The following ZFHX4 variants were observed in gnomAD, a reference collection of about 807,000 sequenced individuals.
ZFHX4 encodes the protein zinc finger homeobox 4.
A neutral mutation model predicts 267.6 loss-of-function variants in ZFHX4; 56 were observed. That is an observed-to-expected ratio of 0.21 (90% confidence interval 0.17 to 0.26). The LOEUF (loss-of-function observed/expected upper bound fraction) is 0.26, where lower values mean the gene tolerates loss of function less well. ZFHX4 is among the 10% of genes least tolerant of loss of function. The pLI, the probability that ZFHX4 is intolerant of heterozygous loss-of-function variation, is 1.00. For synonymous variants in ZFHX4, 1,778 were observed against 1,665.6 expected, an observed-to-expected ratio of 1.07 and a Z score of -1.64; for missense variants, 4,332 against 4,420.0, an observed-to-expected ratio of 0.98 and a Z score of 0.56.
intron 4 of ZFHX4, among the ~76,000 whole-genome samples, chr8:76,800,393 G>A (rs1230710574): frequency 6.6e-6 from 1 of 152,160 alleles, no homozygotes; most frequent in Admixed American, 6.5e-5. Flanking sequence ...TAATGCACCA[G>A]TCAGGATTTA....
chr8:76,821,471 G>T (rs1811646812), intron 4 of ZFHX4, among the ~76,000 whole-genome samples: 1 of 151,550 alleles, frequency 6.6e-6, no homozygotes, highest in Non-Finnish European at 1.5e-5. Flanking sequence ...TTCCTAGTCG[G>T]CCTAACTACG....
At chr8:76,837,705 T>C (rs572349306) in intron 5 of ZFHX4, among the ~76,000 whole-genome samples, 1 of 152,280 alleles carries the variant, frequency 6.6e-6, no homozygotes, top group East Asian at 1.9e-4. Context: ...GGCACAAAGA[T>C]GGATAAGATA....
intron 4 of ZFHX4, among the ~76,000 whole-genome samples, chr8:76,813,284 T>C (rs1203261074): frequency 2.0e-5 from 3 of 152,146 alleles, no homozygotes; most frequent in Non-Finnish European, 2.9e-5. Context: ...GGCACCTTTT[T>C]CCCCGGTACA....
At chr8:76,689,697 G>A (rs1047756416) in intron 1 of ZFHX4, among the ~76,000 whole-genome samples, 1 of 152,050 alleles carries the variant, frequency 6.6e-6, no homozygotes, top group Non-Finnish European at 1.5e-5. Context: ...AGTTTGATAT[G>A]GTTTCATATT....
chr8:76,850,967 A>G lies in ZFHX4; in HGVS notation c.4046A>G (p.Lys1349Arg). The change falls in exon 10 of 11, where the codon AAA (lysine) becomes AGA (arginine). Residue 1349 changes from lysine (K) to arginine (R), a missense_variant. Lys to Arg is a conservative substitution (Grantham distance 26). This residue lies in a region of ZFHX4 where 1,371 missense variants were observed against 1,423.1 expected (regional missense o/e 0.96). Transcript: ENST00000651372. ...GTGGAAGTAAAGAATGAGGAGCAGA[A>G]ACCGACTAAAGAACCCTTGGAAGTC... ...ANVEVKNEEQ[K>R]PTKEPLEVSE... 2 of 1,613,822 alleles carry G rather than the reference A, an allele frequency of 1.2e-6. No individual in the cohort carries two copies. The highest frequency in any genetic ancestry group is 2.2e-5 in the South Asian group (2 of 91,050).
chr8:76,820,332 A>G (rs1420375841), intron 4 of ZFHX4, among the ~76,000 whole-genome samples: 1 of 152,118 alleles, frequency 6.6e-6, no homozygotes, highest in Non-Finnish European at 1.5e-5. Context: ...TTATGAATTA[A>G]TTGTTCATAC....
In ZFHX4 at chr8:76,852,119, A is replaced by C. The variant is rs374845535; in HGVS notation, c.5198A>C (p.Gln1733Pro). 1.9e-6 allele frequency: 3 copies of C among 1,613,866 alleles called. No homozygotes were observed. In the African/African-American group the frequency reaches 4.0e-5, roughly 22 times the overall value. ...ACCCCAGAAGCACTGCTGCAGTTTC[A>C]GCAGCCTCAGTTTCTCTTTCCATTT... ...PMTPEALLQF[Q>P]QPQFLFPFYI... The change falls in exon 10 of 11, where the codon CAG becomes CCG. Residue 1733 changes from glutamine to proline, a missense_variant. Coordinates refer to ENST00000651372, the MANE Select transcript of ZFHX4 (RefSeq NM_024721.5).
chr8:76,791,538 G>C (rs1232960702), intron 4 of ZFHX4, among the ~76,000 whole-genome samples: 3 of 152,056 alleles, frequency 2.0e-5, no homozygotes, highest in Admixed American at 2.0e-4. Context: ...TATGCCTGGA[G>C]CTATTTTTAC....
intron 3 of ZFHX4, among the ~76,000 whole-genome samples, chr8:76,713,215 T>G (rs1419439921): frequency 6.6e-6 from 1 of 152,124 alleles, no homozygotes; most frequent in Admixed American, 6.6e-5. Flanking sequence ...GAGAACCCTC[T>G]TTGTACCATA....
chr8:76,748,515 G>A (rs1809522035), intron 3 of ZFHX4, among the ~76,000 whole-genome samples: 1 of 152,150 alleles, frequency 6.6e-6, no homozygotes, highest in African/African-American at 2.4e-5. Context: ...ACTGACTGTA[G>A]CCTCCAAGTC....
chr8:76,760,562 G>T (rs1357504612), intron 3 of ZFHX4, among the ~76,000 whole-genome samples: 1 of 152,050 alleles, frequency 6.6e-6, no homozygotes, highest in Non-Finnish European at 1.5e-5. Flanking sequence ...GGTGTGTAAT[G>T]GAAGAGTTTA....
rs761578656 is a variant in ZFHX4 at position 76,705,311 on chromosome 8, T to TG, written c.1230dup (p.Leu411AlafsTer3). 4 of 1,613,842 alleles carry TG rather than the reference T, an allele frequency of 2.5e-6. No homozygotes were observed. The highest frequency in any genetic ancestry group is 1.7e-5 in the Admixed American group (1 of 60,028). On this transcript the variant is annotated frameshift_variant, in exon 2 of 11. Coordinates refer to ENST00000651372, the MANE Select transcript of ZFHX4 (RefSeq NM_024721.5). LOFTEE classifies it high-confidence loss of function. The stretch of plus-strand genomic sequence containing the variant: ...CAAATGCCAAAGGCTGAAGTGAATC[T>TG]GGGGGGGCTGTCTAGTTTAGTAGTG...
At chr8:76,716,396 C>A (rs998811795) in intron 3 of ZFHX4, among the ~76,000 whole-genome samples, 4 of 152,158 alleles carry the variant, frequency 2.6e-5, no homozygotes, top group African/African-American at 9.7e-5. Context: ...CATTACTTCA[C>A]ATACTTTTCC....
rs546521355 is a variant in ZFHX4, at chr8:76,789,732, C to T, written c.3325+11293C>T. On this transcript the variant is annotated intron_variant, in intron 4 of 10. Transcript: ENST00000651372. ...TAGGGTTTTAAAAGTTTAATTTCTA[C>T]GCTATTAATGGAATTGAAAATAGTG... 2.8e-4 allele frequency among the ~76,000 whole-genome samples: 43 copies of T among 152,066 alleles called. No individual in the cohort carries two copies. In the South Asian group the frequency reaches 4.1e-3, roughly 15 times the overall value.
Position 76,681,305 on chromosome 8 carries a change from T to C in ZFHX4, c.-362T>C. On this transcript the variant is annotated 5_prime_UTR_variant, in exon 1 of 11. Coordinates refer to ENST00000651372, the MANE Select transcript of ZFHX4 (RefSeq NM_024721.5). Reference sequence around the variant, plus strand: ...ATTTTTTTAAACAGGGCTAAAACGATAATAATTAGCAGAATAAAGACATAT... The same window carrying C: ...ATTTTTTTAAACAGGGCTAAAACGACAATAATTAGCAGAATAAAGACATAT... 2.5e-6 allele frequency: 1 copy of C among 398,564 alleles called. No individual in the cohort carries two copies. The highest frequency in any genetic ancestry group is 4.4e-6 in the Non-Finnish European group (1 of 225,868). The allele number at this position is 398,564 out of a possible 1,614,324, so 24.7% of individuals were successfully genotyped here. A position where few individuals can be genotyped will look rare whatever the true frequency, so the allele number is the denominator to read the frequency against.
rs758693011 is a variant in ZFHX4, at chr8:76,851,921, C to G, written c.5000C>G (p.Ala1667Gly). Reference sequence around the variant, plus strand: ...AACAGCAAAGATACCCATTTAGATGCCAAAGAATTAAATAAAAAGCAAACT... The same window carrying G: ...AACAGCAAAGATACCCATTTAGATGGCAAAGAATTAAATAAAAAGCAAACT... ...AVNSKDTHLD[A>G]KELNKKQTPD... Residue 1667 changes from alanine (A) to glycine (G), a missense_variant, in exon 10 of 11, where the codon GCC becomes GGC. Ala to Gly is a moderately conservative substitution (Grantham distance 60, BLOSUM62 0). Around this residue, in one of 7 missense-constraint regions of ZFHX4, gnomAD observed 1,371 missense variants for 1,423.1 expected, o/e 0.96. Transcript: ENST00000651372. The G allele has an allele frequency of 1.2e-6, 2 of 1,613,808 alleles. No homozygotes were observed. Among genetic ancestry groups the G allele is most frequent in the Non-Finnish European group, 1.7e-6 (2 of 1,179,862 alleles).
intron 3 of ZFHX4, among the ~76,000 whole-genome samples, chr8:76,773,371 A>G (rs1436163792): frequency 6.6e-6 from 1 of 152,198 alleles, no homozygotes; most frequent in African/African-American, 2.4e-5. Flanking sequence ...CATTGTATAC[A>G]TCTTTAAATA....
chr8:76,864,360 C>T lies in ZFHX4; in HGVS notation c.10646C>T (p.Ser3549Phe), dbSNP rs1468054404. Residue 3549 changes from serine to phenylalanine, a missense_variant, in exon 11 of 11, where the codon TCC (serine) becomes TTC (phenylalanine). Coordinates refer to ENST00000651372, the MANE Select transcript of ZFHX4 (RefSeq NM_024721.5). ...ASPPSSPPSL[S>F]LPSTVTSSLC... ...CCCCCTTCTTCTCCTCCTTCCCTTTCCTTGCCTTCAACGGTTACCTCAAGT... is the reference window on the plus strand; with the variant it reads ...CCCCCTTCTTCTCCTCCTTCCCTTTTCTTGCCTTCAACGGTTACCTCAAGT... 6.2e-7 allele frequency: 1 copy of T among 1,613,874 alleles called. No individual in the cohort carries two copies. The highest frequency in any genetic ancestry group is 1.3e-5 in the African/African-American group (1 of 75,028).
chr8:76,857,072 A>G (rs1157363081), intron 10 of ZFHX4, among the ~76,000 whole-genome samples: 2 of 152,166 alleles, frequency 1.3e-5, no homozygotes, highest in Non-Finnish European at 2.9e-5. Flanking sequence ...GCAACCTCAG[A>G]TGCTGAATCT....
Sources: allele counts gnomAD v4.1 joint callset (sites outside exome capture counted in the v4.1 genomes callset), GRCh38; gene constraint gnomAD v4.1.1; regional missense constraint gnomAD v4.1.1; transcripts MANE v1.5; gene names NCBI Gene and HGNC (gene_info 2026-07-23, HGNC 2026-07-21).